The following UGT1A8 variants were observed in gnomAD, a reference collection of about 807,000 sequenced individuals.
UGT1A8 encodes the protein UDP glucuronosyltransferase family 1 member A8, also known as UDP-glucuronosyltransferase 1A8.
In UGT1A8, 39 loss-of-function variants were observed where a neutral mutation model predicts 45.3. That is an observed-to-expected ratio of 0.86 (90% CI 0.67 to 1.12). The LOEUF (loss-of-function observed/expected upper bound fraction) is 1.12, where lower values mean the gene tolerates loss of function less well. Among genes scored for constraint, UGT1A8 ranks in the 50% most tolerant of loss-of-function variants. UGT1A8 has a pLI of 0.00. For synonymous variants in UGT1A8, 275 were observed against 249.2 expected, an observed-to-expected ratio of 1.10 and a Z score of -0.97; for missense variants, 719 against 664.9, an observed-to-expected ratio of 1.08 and a Z score of -0.90.
chr2:233,695,895 G>A (rs904649392), intron 1 of UGT1A8, among the ~76,000 whole-genome samples: 2 of 152,170 alleles, frequency 1.3e-5, no homozygotes, highest in African/African-American at 4.8e-5. Flanking sequence ...GTGAACAAAT[G>A]TGTGGGGTTT....
At chr2:233,711,952 C>A (rs2076206674) in intron 1 of UGT1A8, among the ~76,000 whole-genome samples, 1 of 152,208 alleles carries the variant, frequency 6.6e-6, no homozygotes, top group Non-Finnish European at 1.5e-5. Context: ...ACGTTTAATT[C>A]TCCATTTTGA....
chr2:233,756,383 G>C (rs1251159335), intron 1 of UGT1A8: 1 of 151,718 alleles, frequency 6.6e-6, no homozygotes, highest in Non-Finnish European at 1.5e-5. Flanking sequence ...GTAAATAGTT[G>C]TTTTACAGTA....
intron 1 of UGT1A8, among the ~76,000 whole-genome samples, chr2:233,723,671 C>T (rs2077112906): frequency 1.0e-5 from 1 of 95,612 alleles, no homozygotes; most frequent in Non-Finnish European, 1.9e-5. Flanking sequence ...GGCAGAGGAC[C>T]CTGCGGCCTT....
At chr2:233,771,270 C>A (rs1244273988) in intron 4 of UGT1A8, 1 of 150,946 alleles carries the variant, frequency 6.6e-6, no homozygotes, top group African/African-American at 2.4e-5. Context: ...CTTTTTTTTT[C>A]TTTCTTCTCC....
intron 1 of UGT1A8, chr2:233,729,433 A>T (rs2077858164): frequency 6.2e-7 from 1 of 1,613,790 alleles, no homozygotes; most frequent in African/African-American, 1.3e-5. Flanking sequence ...GTACTTTGAA[A>T]CAGAACATTT....
rs150749285 is a variant in UGT1A8 at position 233,754,499 on chromosome 2, C to T, written c.856-12535C>T. On this transcript the variant is annotated intron_variant, in intron 1 of 4. Coordinates refer to ENST00000373450, the MANE Select transcript of UGT1A8 (RefSeq NM_019076.5). ...TTCACTTTCAATCCTAAAAAAAGTCCGCTATTCCTCCAGATGTGCTTAAAG... is the reference window on the plus strand; with the variant it reads ...TTCACTTTCAATCCTAAAAAAAGTCTGCTATTCCTCCAGATGTGCTTAAAG... The T allele has an allele frequency of 2.1e-3, 765 of 355,996 alleles. 11 individuals carry two copies. Among genetic ancestry groups the T allele is most frequent in the African/African-American group, 0.015 (707 of 46,828 alleles). The allele number at this position is 355,996 out of a possible 1,614,324, so 22.1% of individuals were successfully genotyped here. A position where few individuals can be genotyped will look rare whatever the true frequency, so the allele number is the denominator to read the frequency against.
At chr2:233,662,631 G>C (rs1339480517) in intron 1 of UGT1A8, among the ~76,000 whole-genome samples, 1 of 151,994 alleles carries the variant, frequency 6.6e-6, no homozygotes, top group Non-Finnish European at 1.5e-5. Context: ...TCTTTTTCTT[G>C]TTTGACTGCA....
intron 1 of UGT1A8, among the ~76,000 whole-genome samples, chr2:233,628,264 G>T (rs1404277136): frequency 3.3e-5 from 5 of 152,030 alleles, no homozygotes; most frequent in African/African-American, 1.2e-4. Context: ...GGTTTCTGCA[G>T]TCATGGCATA....
intron 1 of UGT1A8, among the ~76,000 whole-genome samples, chr2:233,700,813 C>T (rs1389700095): frequency 6.6e-6 from 1 of 151,890 alleles, no homozygotes; most frequent in African/African-American, 2.4e-5. Context: ...TGTTGGTGTG[C>T]TGCACCCATT....
intron 1 of UGT1A8, among the ~76,000 whole-genome samples, chr2:233,732,119 T>C (rs1297599080): frequency 7.1e-6 from 1 of 141,674 alleles, no homozygotes; most frequent in African/African-American, 2.7e-5. Context: ...TTTGCCCACT[T>C]TTTGATGAGG....
chr2:233,670,127 G>A (rs2074152816), intron 1 of UGT1A8, among the ~76,000 whole-genome samples: 1 of 152,202 alleles, frequency 6.6e-6, no homozygotes, highest in African/African-American at 2.4e-5. Context: ...AATGAAGTCA[G>A]CTAGAGAAAA....
chr2:233,772,754 T>C lies in UGT1A8; in HGVS notation c.*195T>C. On this transcript the variant is annotated 3_prime_UTR_variant, in exon 5 of 5. Transcript: ENST00000373450. ...GCTAGTCAGTAAAGATATTTGAATA[T>C]GTATCGTGCCCCCTCTGGTGTCTTT... 2 of 1,409,478 alleles carry C rather than the reference T, an allele frequency of 1.4e-6. No individual in the cohort carries two copies. Among genetic ancestry groups the C allele is most frequent in the Non-Finnish European group, 1.9e-6 (2 of 1,074,872 alleles). 87.3% of individuals were successfully genotyped at this position (1,409,478 alleles called of 1,614,324 possible).
intron 1 of UGT1A8, chr2:233,743,955 C>T (rs752795670): frequency 9.0e-6 from 12 of 1,339,906 alleles, no homozygotes; most frequent in African/African-American, 3.0e-5. Context: ...ACTGGCACAG[C>T]GAGCGGCAAG....
At chr2:233,715,665 G>A (rs1198946801) in intron 1 of UGT1A8, among the ~76,000 whole-genome samples, 6 of 152,076 alleles carry the variant, frequency 3.9e-5, no homozygotes, top group Non-Finnish European at 7.4e-5. Context: ...CCAGCTACTC[G>A]GGAGGCTGAG....
intron 1 of UGT1A8, among the ~76,000 whole-genome samples, chr2:233,727,606 A>T (rs554046773): frequency 6.6e-6 from 1 of 152,298 alleles, no homozygotes; most frequent in Admixed American, 6.5e-5. Flanking sequence ...TTGGAGGAAT[A>T]GTTCAGAGGC....
chr2:233,710,376 T>C (rs538501974), intron 1 of UGT1A8, among the ~76,000 whole-genome samples: 1 of 152,360 alleles, frequency 6.6e-6, no homozygotes, highest in South Asian at 2.1e-4. Flanking sequence ...TTTACATTCC[T>C]AACAGCAACG....
chr2:233,645,372 C>G (rs906390966), intron 1 of UGT1A8, among the ~76,000 whole-genome samples: 1 of 152,172 alleles, frequency 6.6e-6, no homozygotes, highest in Non-Finnish European at 1.5e-5. Context: ...ATCTCATGTC[C>G]TCACATTTCA....
chr2:233,747,923 G>A (rs1349241680), intron 1 of UGT1A8: 2 of 1,613,414 alleles, frequency 1.2e-6, no homozygotes, highest in Non-Finnish European at 1.7e-6. Flanking sequence ...TTGCCTCTGA[G>A]CTTTTTCAGA....
At chr2:233,730,495 C>G (rs755045545) in intron 1 of UGT1A8, among the ~76,000 whole-genome samples, 1 of 152,092 alleles carries the variant, frequency 6.6e-6, no homozygotes, top group African/African-American at 2.4e-5. Context: ...ATAGAAGTGT[C>G]AGAGAGGTTG....
Sources: gnomAD v4.1 joint callset for allele counts (sites outside exome capture counted in the v4.1 genomes callset) on GRCh38, gnomAD v4.1.1 for gene constraint, MANE v1.5 for transcripts, NCBI Gene and HGNC (gene_info 2026-07-23, HGNC 2026-07-21) for gene names.